The following NCAPG2 variants were observed in gnomAD, a reference collection of about 807,000 sequenced individuals.
NCAPG2 encodes condensin-2 complex subunit G2.
NCAPG2 carries 53 observed loss-of-function variants against 141.1 expected under a neutral mutation model. That is an observed-to-expected ratio of 0.38 (90% confidence interval 0.30 to 0.47). The LOEUF (loss-of-function observed/expected upper bound fraction) is 0.47. NCAPG2 is among the 20% of genes least tolerant of loss of function. The probability of loss-of-function intolerance (pLI) is 0.99; values close to 1 mark genes in which losing one functional copy is unlikely to be tolerated. For synonymous variants in NCAPG2, 499 were observed against 490.7 expected (o/e 1.02, Z -0.22); for missense variants, 1,087 against 1,389.0 (o/e 0.78, Z 3.46).
intron 19 of NCAPG2, 131 bp from the exon 20 acceptor site, chr7:158,655,586 G>T: frequency 2.6e-6 from 1 of 380,010 alleles, no homozygotes; most frequent in Non-Finnish European, 4.3e-6. Context: ...GAAGCCCAGT[G>T]TCTGCTGACT....
intron 13 of NCAPG2, chr7:158,667,024 C>T (rs1214923247): frequency 1.6e-6 from 1 of 638,426 alleles, no homozygotes; most frequent in Non-Finnish European, 1.9e-6. Context: ...TAGACAATGC[C>T]CTCCCGTCAG....
intron 2 of NCAPG2, among the ~76,000 whole-genome samples, chr7:158,698,899 C>T (rs149362102): frequency 2.9e-3 from 447 of 151,994 alleles, no homozygotes; most frequent in African/African-American, 9.8e-3. Flanking sequence ...AATTCTACTG[C>T]CTCAGCCTCC....
intron 13 of NCAPG2, among the ~76,000 whole-genome samples, chr7:158,666,909 T>C (rs957360518): frequency 2.6e-5 from 4 of 152,154 alleles, no homozygotes; most frequent in African/African-American, 4.8e-5. Context: ...TCAATCCTTC[T>C]AGAGCTGCAT....
chr7:158,631,837 A>G, intron 27 of NCAPG2, 120 bp from the exon 28 acceptor site: 1 of 785,866 alleles, frequency 1.3e-6, no homozygotes, highest in Non-Finnish European at 2.1e-6. Flanking sequence ...AACAAAGTTG[A>G]AATAATCTAT....
chr7:158,641,327 A>G (rs1830629356), intron 27 of NCAPG2: 1 of 409,454 alleles, frequency 2.4e-6, no homozygotes, highest in South Asian at 9.9e-5. Context: ...ATATGCACCA[A>G]TTTTAAGACA....
chr7:158,674,258 G>C (rs186306816), intron 12 of NCAPG2, among the ~76,000 whole-genome samples: 3 of 150,862 alleles, frequency 2.0e-5, no homozygotes, highest in African/African-American at 7.3e-5. Context: ...TGCTGAGAGG[G>C]AGAGGTTGAA....
At chr7:158,689,435 G>T (rs560858940) in intron 6 of NCAPG2, among the ~76,000 whole-genome samples, 1 of 152,214 alleles carries the variant, frequency 6.6e-6, no homozygotes, top group South Asian at 2.1e-4. Flanking sequence ...TTACAGGATG[G>T]GTAGAAAAAA....
chr7:158,664,066 T>C, intron 15 of NCAPG2, 118 bp downstream of exon 15: 1 of 793,022 alleles, frequency 1.3e-6, no homozygotes, highest in Non-Finnish European at 2.1e-6. Flanking sequence ...CCAAAATAAC[T>C]TGTTTAATTA....
chr7:158,664,950 G>A, intron 13 of NCAPG2, 200 bp from the exon 14 acceptor site: 2 of 542,538 alleles, frequency 3.7e-6, no homozygotes, highest in Non-Finnish European at 3.2e-6. Flanking sequence ...TAAAAGTACT[G>A]TTATATAAGG....
chr7:158,635,675 G>T (rs1160855961), intron 27 of NCAPG2, among the ~76,000 whole-genome samples: 1 of 151,944 alleles, frequency 6.6e-6, no homozygotes. Context: ...TATATCGGAT[G>T]AGGCAATTAA....
At chr7:158,692,183 C>A (rs1835156663) in intron 4 of NCAPG2, among the ~76,000 whole-genome samples, 1 of 152,070 alleles carries the variant, frequency 6.6e-6, no homozygotes, top group Non-Finnish European at 1.5e-5. Flanking sequence ...AAGCATGGGC[C>A]ATGGTCCCAG....
In NCAPG2 at chr7:158,664,741, T is replaced by G. The variant is rs1055461436; in HGVS notation, c.1489A>C (p.Ile497Leu). 1 of 1,613,794 alleles carries G rather than the reference T, an allele frequency of 6.2e-7. No individual in the cohort carries two copies. The highest frequency in any genetic ancestry group is 8.5e-7 in the Non-Finnish European group (1 of 1,179,800). The change falls in exon 14 of 28, where the codon ATA (isoleucine) becomes CTA (leucine). Residue 497 changes from isoleucine (I) to leucine (L), a missense_variant. Physicochemically the swap from Ile to Leu is conservative, Grantham distance 5. Transcript: ENST00000356309. ...KAVRAAKFWK[I>L]CPMEHILVRL... ...ACCAGAATGTGCTCCATGGGACATA[T>G]TTTCCAAAACTGTGCAAAAAGCACA...
chr7:158,652,604 T>G, intron 22 of NCAPG2, 124 bp from the exon 23 acceptor site: 2 of 823,012 alleles, frequency 2.4e-6, no homozygotes, highest in Non-Finnish European at 3.7e-6. Context: ...CTTTGGTATT[T>G]GGTGAGCCAA....
intron 13 of NCAPG2, among the ~76,000 whole-genome samples, chr7:158,669,607 TAAA>T (rs879931042): frequency 2.1e-5 from 3 of 143,590 alleles, no homozygotes; most frequent in Non-Finnish European, 4.6e-5. Flanking sequence ...TACTAAAATT[TAAA>T]AAAAAAAAAT....
At chr7:158,683,067 T>C (rs1834537436) in intron 9 of NCAPG2, among the ~76,000 whole-genome samples, 1 of 152,146 alleles carries the variant, frequency 6.6e-6, no homozygotes, top group Non-Finnish European at 1.5e-5. Flanking sequence ...AGACAGAGAA[T>C]TGAATTTAAG....
chr7:158,687,000 C>A (rs749200871), intron 7 of NCAPG2, among the ~76,000 whole-genome samples: 8 of 152,210 alleles, frequency 5.3e-5, no homozygotes, highest in Non-Finnish European at 1.2e-4. Context: ...ATTCCACAGG[C>A]TCTTCCGAGA....
intron 27 of NCAPG2, among the ~76,000 whole-genome samples, chr7:158,634,990 C>T (rs965431675): frequency 1.3e-5 from 2 of 152,220 alleles, no homozygotes; most frequent in African/African-American, 4.8e-5. Context: ...GCACTAACGT[C>T]TGTAAAATGT....
chr7:158,683,164 C>T (rs1033959105), intron 9 of NCAPG2, 136 bp downstream of exon 9: 1 of 663,724 alleles, frequency 1.5e-6, no homozygotes, highest in Non-Finnish European at 2.4e-6. Context: ...AACTGCCAGA[C>T]ATCAAATATC....
intron 24 of NCAPG2, among the ~76,000 whole-genome samples, chr7:158,646,978 A>G (rs1467234753): frequency 6.6e-6 from 1 of 151,514 alleles, no homozygotes; most frequent in Non-Finnish European, 1.5e-5. Context: ...GTAGTGAGCC[A>G]TGTATCATGG....
Sources: allele counts gnomAD v4.1 joint callset (sites outside exome capture counted in the v4.1 genomes callset), GRCh38; gene constraint gnomAD v4.1.1; transcripts MANE v1.5; gene names NCBI Gene and HGNC (gene_info 2026-07-23, HGNC 2026-07-21).